RPS6KA2: variants seen among roughly 807,000 people sequenced by gnomAD.
RPS6KA2 encodes ribosomal protein S6 kinase A2.
In RPS6KA2, 42 loss-of-function variants were observed where a neutral mutation model predicts 91.8. The observed-to-expected ratio is 0.46, with a 90% confidence interval of 0.36 to 0.59. RPS6KA2 has a LOEUF of 0.59. RPS6KA2 is among the 20% of genes least tolerant of loss of function. The pLI, the probability that RPS6KA2 is intolerant of heterozygous loss-of-function variation, is 0.00. For missense variants in RPS6KA2, 798 were observed against 978.5 expected (o/e 0.82, Z 2.46); for synonymous variants, 414 against 393.6 (o/e 1.05, Z -0.61).
chr6:166,573,933 A>G (rs1460825854), intron 1 of RPS6KA2, among the ~76,000 whole-genome samples: 1 of 152,120 alleles, frequency 6.6e-6, no homozygotes, highest in Non-Finnish European at 1.5e-5. Context: ...TTCAAAGGGA[A>G]CGCCGACCCA....
At position 166,612,449 on chromosome 6, in the gene RPS6KA2, C is replaced by T. The variant is rs758845337; in HGVS notation, c.99+14472G>A. ...GGTCACCTGGCAAAGCTATAACACA[C>T]GGTGGCTCCTGCAGACCCCTGGCTC... On this transcript the variant is annotated intron_variant, in intron 1 of 20. Transcript: ENST00000265678. The surrounding 1 kb of genome is among the most constrained non-coding windows in gnomAD (Gnocchi z 4.3). 5.9e-5 allele frequency among the ~76,000 whole-genome samples: 9 copies of T among 152,154 alleles called. No homozygotes were observed. The highest frequency in any genetic ancestry group is 1.3e-4 in the Non-Finnish European group (9 of 68,022).
chr6:166,692,674 A>G (rs1789245186), intron 2 of RPS6KA2, among the ~76,000 whole-genome samples: 1 of 152,250 alleles, frequency 6.6e-6, no homozygotes. Flanking sequence ...TATTATGCCA[A>G]ATAATAACTA....
chr6:166,490,671 T>C lies in RPS6KA2; in HGVS notation c.818A>G (p.Lys273Arg), dbSNP rs1781557420. ...CTGGGGTGGCTCCCACACTACTCAC[T>C]TGAGGATGAGAGCCATGGTCTCCTT... ...DRKETMALIL[K>R]AKLGMPQFLS... The change falls in exon 9 of 21, where the codon AAA (lysine) becomes AGA (arginine). Residue 273 changes from lysine to arginine, a missense_variant and splice_region_variant. Physicochemically the swap from Lys to Arg is conservative, Grantham distance 26. Transcript: ENST00000265678. The surrounding 1 kb of genome is among the most constrained non-coding windows in gnomAD (Gnocchi z 4.2). 6.2e-7 allele frequency: 1 copy of C among 1,608,302 alleles called. No individual in the cohort carries two copies. The highest frequency in any genetic ancestry group is 1.3e-5 in the African/African-American group (1 of 74,874).
At chr6:166,702,984 C>G (rs1365499619) in intron 2 of RPS6KA2, 1 of 526,922 alleles carries the variant, frequency 1.9e-6, no homozygotes, top group African/African-American at 1.9e-5. Context: ...AGCACAAGAA[C>G]GAGGAGCAAA....
chr6:166,843,096 G>A (rs1278632275), intron 2 of RPS6KA2, among the ~76,000 whole-genome samples: 1 of 152,132 alleles, frequency 6.6e-6, no homozygotes, highest in Non-Finnish European at 1.5e-5. Context: ...GGAGCAGGGT[G>A]AGGCCTGTGA....
intron 2 of RPS6KA2, among the ~76,000 whole-genome samples, chr6:166,805,466 C>A (rs1189818182): frequency 6.6e-6 from 1 of 152,142 alleles, no homozygotes; most frequent in East Asian, 1.9e-4. Flanking sequence ...AACTTGGGGG[C>A]CAGATGTTGA....
At chr6:166,681,343 G>A (rs1390463530) in intron 2 of RPS6KA2, among the ~76,000 whole-genome samples, 1 of 152,134 alleles carries the variant, frequency 6.6e-6, no homozygotes, top group Non-Finnish European at 1.5e-5. Flanking sequence ...AAAATACGAG[G>A]CATAGCCAAT....
intron 2 of RPS6KA2, among the ~76,000 whole-genome samples, chr6:166,677,346 A>G (rs934108222): frequency 2.6e-5 from 4 of 152,064 alleles, no homozygotes; most frequent in African/African-American, 9.7e-5. Flanking sequence ...TAAAAATAAG[A>G]AACGTGTTCA....
intron 2 of RPS6KA2, among the ~76,000 whole-genome samples, chr6:166,633,874 G>A (rs559890378): frequency 1.1e-4 from 16 of 152,156 alleles, no homozygotes; most frequent in Non-Finnish European, 1.8e-4. Context: ...TCAGCGGAAC[G>A]TGCCACGCTT....
At chr6:166,467,873 G>C (rs548613304) in intron 11 of RPS6KA2, among the ~76,000 whole-genome samples, 2 of 152,378 alleles carry the variant, frequency 1.3e-5, no homozygotes, top group South Asian at 4.1e-4. Flanking sequence ...GAAAGTGCCT[G>C]AGACTGGGAC....
chr6:166,670,988 T>G lies in RPS6KA2; in HGVS notation c.124-132204A>C, dbSNP rs558696035. Among the ~76,000 whole-genome samples, 7 of 152,274 alleles carry G rather than the reference T, an allele frequency of 4.6e-5. No individual in the cohort carries two copies. In the South Asian group the frequency reaches 1.5e-3, roughly 32 times the overall value. ...GCCTCGTGCCACCACGCTCAGCTAA[T>G]TTTTTGTAGAGACAGGTTTTCGCCC... On this transcript the variant is annotated intron_variant, in intron 2 of 21. Transcript: ENST00000503859.
In RPS6KA2 at chr6:166,824,552, ATATG is replaced by A. The variant is rs1400576395; in HGVS notation, c.123+33644_123+33647del. On this transcript the variant is annotated intron_variant, in intron 2 of 21. Coordinates refer to the RPS6KA2 transcript ENST00000503859. ...AGGGCATGTGTGTGTGAGTGTGTCT[ATATG>A]TGTGTGTCTATGTGTGTCTGTGTCT... Among the ~76,000 whole-genome samples the A allele has an allele frequency of 9.2e-5, 14 of 151,912 alleles. No homozygotes were observed. The East Asian group carries it at 2.7e-3, about 29-fold the overall frequency.
At chr6:166,518,389 T>C (rs552909864) in intron 3 of RPS6KA2, among the ~76,000 whole-genome samples, 2 of 151,652 alleles carry the variant, frequency 1.3e-5, no homozygotes, top group Middle Eastern at 3.4e-3. Flanking sequence ...TTACAAAATA[T>C]TTACAAATTG....
intron 1 of RPS6KA2, among the ~76,000 whole-genome samples, chr6:166,614,508 C>T (rs1394837411): frequency 6.6e-6 from 1 of 152,264 alleles, no homozygotes; most frequent in African/African-American, 2.4e-5. Flanking sequence ...ACAGCCCTGC[C>T]TGCGTCCTGT....
Position 166,423,320 on chromosome 6 carries a change from T to C in RPS6KA2, c.1679A>G (p.Gln560Arg), listed in dbSNP as rs767600252. The C allele has an allele frequency of 6.2e-7, 1 of 1,614,106 alleles. No homozygotes were observed. The highest frequency in any genetic ancestry group is 8.5e-7 in the Non-Finnish European group (1 of 1,180,002). Residue 560 changes from glutamine (Q) to arginine (R), a missense_variant, in exon 17 of 21, where the codon CAG (glutamine) becomes CGG (arginine). By Grantham distance (43) the Gln-to-Arg change is conservative (BLOSUM62 1). Transcript: ENST00000265678. The surrounding 1 kb of genome is among the most constrained non-coding windows in gnomAD (Gnocchi z 4.8). The stretch of plus-strand genomic sequence containing the variant: ...GAGCAGCCCGTTCCCCGCGCGCAGC[T>C]GCTTGGCAAAGCCGAAGTCGCAGAC... The part of the protein sequence containing the change: ...IRVCDFGFAK[Q>R]LRAGNGLLMT...
intron 2 of RPS6KA2, among the ~76,000 whole-genome samples, chr6:166,712,606 G>A (rs1328058540): frequency 1.3e-5 from 2 of 152,218 alleles, no homozygotes; most frequent in African/African-American, 4.8e-5. Context: ...GCAGCCTGGG[G>A]AGAGTGCCAT....
intron 1 of RPS6KA2, among the ~76,000 whole-genome samples, chr6:166,597,292 C>A (rs535599658): frequency 6.6e-6 from 1 of 152,126 alleles, no homozygotes; most frequent in Non-Finnish European, 1.5e-5. Flanking sequence ...CCCCCGAGGA[C>A]GAATGGGACT....
intron 2 of RPS6KA2, among the ~76,000 whole-genome samples, chr6:166,671,726 G>A (rs1562374928): frequency 6.6e-6 from 1 of 152,166 alleles, no homozygotes; most frequent in Non-Finnish European, 1.5e-5. Flanking sequence ...CAGATATCAG[G>A]CTGAGTCTGA....
At chr6:166,850,429 A>G (rs775781798) in intron 2 of RPS6KA2, among the ~76,000 whole-genome samples, 1 of 152,194 alleles carries the variant, frequency 6.6e-6, no homozygotes, top group Non-Finnish European at 1.5e-5. Context: ...ATTCTTGTAA[A>G]TCAATAATAC....
Sources: allele counts gnomAD v4.1 joint callset (sites outside exome capture counted in the v4.1 genomes callset), GRCh38; gene constraint gnomAD v4.1.1; non-coding constraint Gnocchi (gnomAD v3.1); transcripts MANE v1.5; gene names NCBI Gene and HGNC (gene_info 2026-07-23, HGNC 2026-07-21).